Variants in RBFOX1 observed in about 807,000 individuals in gnomAD.
RBFOX1 encodes RNA binding protein fox-1 homolog 1.
A neutral mutation model predicts 57.7 loss-of-function variants in RBFOX1; 8 were observed. The observed-to-expected ratio is 0.14, with a 90% CI of 0.08 to 0.25. RBFOX1 has a LOEUF of 0.25. Among genes scored for constraint, RBFOX1 ranks in the 10% least tolerant of loss-of-function variants. RBFOX1 has a pLI of 1.00. For missense variants in RBFOX1, 611 were observed against 548.5 expected (o/e 1.11, Z -1.14); for synonymous variants, 326 against 222.4 (o/e 1.47, Z -4.15).
At chr16:5,787,475 C>T (rs1056738076) in intron 3 of RBFOX1, among the ~76,000 whole-genome samples, 1 of 152,206 alleles carries the variant, frequency 6.6e-6, no homozygotes, top group Non-Finnish European at 1.5e-5. Flanking sequence ...GGGCTTACCT[C>T]ATGCTTAGCC....
At chr16:6,565,742 A>G (rs2097256298) in intron 2 of RBFOX1, among the ~76,000 whole-genome samples, 1 of 152,206 alleles carries the variant, frequency 6.6e-6, no homozygotes, top group Admixed American at 6.5e-5. Context: ...TGCTGGGATT[A>G]CAGGTGTGAG....
intron 4 of RBFOX1, chr16:7,510,330 T>C (rs2074688411): frequency 1.0e-6 from 1 of 985,840 alleles, no homozygotes; most frequent in Non-Finnish European, 1.2e-6. Flanking sequence ...TGTTTTTTTT[T>C]CCATTTAATC....
At chr16:5,759,383 G>A (rs779737582) in intron 3 of RBFOX1, among the ~76,000 whole-genome samples, 3 of 152,118 alleles carry the variant, frequency 2.0e-5, no homozygotes, top group African/African-American at 4.8e-5. Flanking sequence ...CCTCCTCCAC[G>A]TCTCTCACCA....
intron 2 of RBFOX1, among the ~76,000 whole-genome samples, chr16:6,346,647 A>C (rs972428612): frequency 1.3e-5 from 2 of 152,200 alleles, no homozygotes; most frequent in African/African-American, 4.8e-5. Context: ...TTCCTTGCTC[A>C]ATTAAACTCT....
chr16:7,029,046 CTATA>C (rs1225538161), intron 3 of RBFOX1, among the ~76,000 whole-genome samples: 481 of 45,154 alleles, frequency 0.011, 6 homozygotes, highest in Non-Finnish European at 0.013. Context: ...AAAAAAAAAG[CTATA>C]TATATATATA....
intron 3 of RBFOX1, among the ~76,000 whole-genome samples, chr16:6,816,253 A>C (rs942625604): frequency 6.6e-6 from 1 of 152,134 alleles, no homozygotes; most frequent in Non-Finnish European, 1.5e-5. Flanking sequence ...AGACCGTAGT[A>C]AGCTATGATC....
chr16:5,401,475 G>C (rs2066712132), intron 1 of RBFOX1, among the ~76,000 whole-genome samples: 1 of 152,102 alleles, frequency 6.6e-6, no homozygotes, highest in Admixed American at 6.5e-5. Context: ...CTTTGTGATG[G>C]GGCCCCTCCT....
At chr16:6,979,624 G>C (rs1402127977) in intron 3 of RBFOX1, among the ~76,000 whole-genome samples, 1 of 152,154 alleles carries the variant, frequency 6.6e-6, no homozygotes, top group Non-Finnish European at 1.5e-5. Context: ...AGTTTGGGGA[G>C]CTCAGAACTT....
intron 3 of RBFOX1, among the ~76,000 whole-genome samples, chr16:6,847,262 C>G (rs921644817): frequency 1.3e-5 from 2 of 152,144 alleles, no homozygotes; most frequent in African/African-American, 4.8e-5. Context: ...CCTTTCTAGG[C>G]TGGCTGGGGT....
At chr16:6,285,730 G>C in intron 1 of RBFOX1, among the ~76,000 whole-genome samples, 1 of 152,260 alleles carries the variant, frequency 6.6e-6, no homozygotes, top group South Asian at 2.1e-4. Context: ...AATAGGGTCT[G>C]TTGGTAACCT....
At chr16:7,403,800 C>T (rs1225409961) in intron 4 of RBFOX1, among the ~76,000 whole-genome samples, 3 of 152,158 alleles carry the variant, frequency 2.0e-5, no homozygotes, top group East Asian at 1.9e-4. Flanking sequence ...CACACCTCAG[C>T]CTCCCAAAGT....
At chr16:6,281,413 C>G (rs1044825201) in intron 1 of RBFOX1, among the ~76,000 whole-genome samples, 2 of 152,112 alleles carry the variant, frequency 1.3e-5, no homozygotes, top group African/African-American at 4.8e-5. Context: ...CCGGAGCCCA[C>G]GCCTTGTAAT....
intron 4 of RBFOX1, among the ~76,000 whole-genome samples, chr16:5,942,783 T>C (rs920507889): frequency 6.6e-6 from 1 of 152,210 alleles, no homozygotes; most frequent in African/African-American, 2.4e-5. Flanking sequence ...ACTGATATAA[T>C]TTTCTCACTG....
At chr16:7,459,998 C>T (rs2059241990) in intron 4 of RBFOX1, among the ~76,000 whole-genome samples, 1 of 151,998 alleles carries the variant, frequency 6.6e-6, no homozygotes, top group Non-Finnish European at 1.5e-5. Flanking sequence ...TTAGTTTAAA[C>T]AAGAGAAACA....
At chr16:6,788,950 C>G (rs1476751379) in intron 3 of RBFOX1, among the ~76,000 whole-genome samples, 2 of 152,136 alleles carry the variant, frequency 1.3e-5, no homozygotes, top group Admixed American at 1.3e-4. Flanking sequence ...CTAGCATTCT[C>G]TATTCTTTCC....
chr16:5,797,646 T>A (rs1411761823), intron 3 of RBFOX1, among the ~76,000 whole-genome samples: 18 of 152,238 alleles, frequency 1.2e-4, no homozygotes. Flanking sequence ...AAGAGCCAGC[T>A]TGGCCCATCT....
chr16:5,878,538 C>G (rs1347100952), intron 4 of RBFOX1, among the ~76,000 whole-genome samples: 1 of 152,120 alleles, frequency 6.6e-6, no homozygotes, highest in Non-Finnish European at 1.5e-5. Flanking sequence ...TGAAAACCCC[C>G]TTGGGTTAAA....
chr16:5,468,097 C>T (rs600936), intron 2 of RBFOX1, among the ~76,000 whole-genome samples: 1 of 152,044 alleles, frequency 6.6e-6, no homozygotes, highest in Non-Finnish European at 1.5e-5. Flanking sequence ...TCCCACCCCT[C>T]TTACTGTCCA....
At chr16:6,802,337 G>T (rs1362212752) in intron 3 of RBFOX1, among the ~76,000 whole-genome samples, 1 of 152,076 alleles carries the variant, frequency 6.6e-6, no homozygotes, top group East Asian at 1.9e-4. Flanking sequence ...GAATTTCATT[G>T]CTTGGATGTT....
Sources: allele counts gnomAD v4.1 joint callset (sites outside exome capture counted in the v4.1 genomes callset), GRCh38; gene constraint gnomAD v4.1.1; transcripts MANE v1.5; gene names NCBI Gene and HGNC (gene_info 2026-07-23, HGNC 2026-07-21).